The following FSD1L variants were observed in gnomAD, a reference collection of about 807,000 sequenced individuals.
The protein encoded by FSD1L is fibronectin type III and SPRY domain containing 1 like.
Under a neutral mutation model 71.6 loss-of-function variants are expected in FSD1L, and 45 were observed. The ratio of observed to expected loss-of-function variants is 0.63; its 90% CI spans 0.49 to 0.81. The LOEUF (loss-of-function observed/expected upper bound fraction) is 0.81. Among genes scored for constraint, FSD1L ranks in the 30% least tolerant of loss-of-function variants. The pLI, the probability that FSD1L is intolerant of heterozygous loss-of-function variation, is 0.00. For missense variants in FSD1L, 561 were observed against 618.1 expected (o/e 0.91, Z 0.98); for synonymous variants, 197 against 207.2 (o/e 0.95, Z 0.42).
Position 105,484,500 on chromosome 9 carries a change from C to A in FSD1L, c.584C>A (p.Pro195Gln). ...ATGCTGCAAACTTTGAAGTTTTTGC[C>A]AGGTAAATACATGTATTACATGTAA... ...RQMLQTLKFL[P>Q]VPKAPEIDPV... The change falls in exon 7 of 14, where the codon CCA becomes CAA. Residue 195 changes from proline (P) to glutamine (Q), a missense_variant and splice_region_variant. Physicochemically the swap from Pro to Gln is moderately conservative, Grantham distance 76. Transcript: ENST00000481272. The A allele has an allele frequency of 6.7e-7, 1 of 1,503,510 alleles. No homozygotes were observed. Among genetic ancestry groups the A allele is most frequent in the South Asian group, 1.3e-5 (1 of 74,350 alleles). 93.1% of individuals were successfully genotyped at this position (1,503,510 alleles called of 1,614,324 possible).
intron 10 of FSD1L, chr9:105,522,388 T>A (rs1835226968): frequency 1.2e-6 from 2 of 1,613,982 alleles, no homozygotes; most frequent in Admixed American, 3.3e-5. Context: ...AAAGTTTCAG[T>A]TGACAAGTCA....
chr9:105,468,481 T>TA (rs1159736234), intron 4 of FSD1L, among the ~76,000 whole-genome samples, 157 bp downstream of exon 4: 1 of 151,948 alleles, frequency 6.6e-6, no homozygotes, highest in African/African-American at 2.4e-5. Flanking sequence ...AAATTGTTGT[T>TA]AAAAAAACAA....
At chr9:105,507,227 A>G (rs1834110068) in intron 8 of FSD1L, among the ~76,000 whole-genome samples, 1 of 152,234 alleles carries the variant, frequency 6.6e-6, no homozygotes, top group South Asian at 2.1e-4. Context: ...ATAATTAACA[A>G]AGACCTGTGA....
chr9:105,496,175 A>G (rs1268265704), intron 7 of FSD1L, among the ~76,000 whole-genome samples: 2 of 142,754 alleles, frequency 1.4e-5, no homozygotes, highest in Admixed American at 7.0e-5. Flanking sequence ...CTCTTCTTTC[A>G]CCAGTACCAG....
intron 10 of FSD1L, chr9:105,523,746 A>G: frequency 6.3e-7 from 1 of 1,596,994 alleles, no homozygotes; most frequent in Non-Finnish European, 8.6e-7. Context: ...TGTTTCTCCA[A>G]ATAGAGATTT....
intron 1 of FSD1L, among the ~76,000 whole-genome samples, chr9:105,450,574 C>T (rs1260982642): frequency 1.3e-5 from 2 of 149,454 alleles, no homozygotes; most frequent in Admixed American, 1.3e-4. Flanking sequence ...GCTCTTGTCG[C>T]CCAGGCTGGA....
chr9:105,458,633 G>A (rs1830501201), intron 1 of FSD1L, among the ~76,000 whole-genome samples: 1 of 152,128 alleles, frequency 6.6e-6, no homozygotes, highest in Non-Finnish European at 1.5e-5. Flanking sequence ...CCATGGGTGG[G>A]CGTGGAAAAA....
chr9:105,446,237 C>A (rs1451828806), upstream of FSD1L, among the ~76,000 whole-genome samples: 1 of 152,222 alleles, frequency 6.6e-6, no homozygotes, highest in African/African-American at 2.4e-5. Flanking sequence ...TTCCTACTTT[C>A]TAGAATGTTC....
intron 7 of FSD1L, among the ~76,000 whole-genome samples, chr9:105,487,265 G>A (rs1469446537): frequency 6.6e-6 from 1 of 152,026 alleles, no homozygotes; most frequent in East Asian, 1.9e-4. Flanking sequence ...TTTGCAGAGA[G>A]GTGCCACTAT....
At chr9:105,444,457 T>C (rs941053630), upstream of FSD1L, among the ~76,000 whole-genome samples, 3 of 152,290 alleles carry the variant, frequency 2.0e-5, no homozygotes, top group Admixed American at 6.5e-5. Flanking sequence ...CCCAAAGGGA[T>C]AGACTGCTGG....
intron 1 of FSD1L, among the ~76,000 whole-genome samples, chr9:105,452,076 T>C (rs1346374952): frequency 6.6e-6 from 1 of 152,130 alleles, no homozygotes; most frequent in African/African-American, 2.4e-5. Context: ...TGGACAAAAC[T>C]AGATTGGGGA....
Position 105,468,304 on chromosome 9 carries a change from C to A in FSD1L, c.319C>A (p.Arg107Ser). ...MINCIKQEQA[R>S]KSQELQSQIS... The stretch of plus-strand genomic sequence containing the variant: ...TAACTGTATCAAGCAGGAACAAGCT[C>A]GTAAATCCCAAGAGTTACAGGTGAG... Residue 107 changes from arginine to serine, a missense_variant, in exon 4 of 14, where the codon CGT (arginine) becomes AGT (serine). Around this residue, in one of 3 missense-constraint regions of FSD1L, gnomAD observed 410 missense variants for 413.5 expected, o/e 0.99. Transcript: ENST00000481272. The A allele has an allele frequency of 6.7e-7, 1 of 1,490,292 alleles. No homozygotes were observed. The allele number at this position is 1,490,292 out of a possible 1,614,324, so 92.3% of individuals were successfully genotyped here.
At chr9:105,450,534 C>CTTTTTTTTTTTTTT (rs35115121) in intron 1 of FSD1L, among the ~76,000 whole-genome samples, 11 of 137,946 alleles carry the variant, frequency 8.0e-5, no homozygotes, top group African/African-American at 2.7e-4. Context: ...GGATTGTGTT[C>CTTTTTTTTTTTTTT]TTTTTTTTTT....
chr9:105,534,471 T>C (rs1836132182), intron 10 of FSD1L, 22 bp from the exon 11 acceptor site: 4 of 1,348,276 alleles, frequency 3.0e-6, no homozygotes, highest in Non-Finnish European at 4.1e-6. Flanking sequence ...TTTGTTTTTC[T>C]TTTTTCTTTT....
chr9:105,521,744 T>A, intron 10 of FSD1L: 1 of 1,613,130 alleles, frequency 6.2e-7, no homozygotes, highest in Non-Finnish European at 8.5e-7. Context: ...GAAATTCCAG[T>A]TGGGCAAAAA....
chr9:105,472,361 G>A (rs549376811), intron 5 of FSD1L: 2 of 204,218 alleles, frequency 9.8e-6, no homozygotes, highest in East Asian at 2.0e-4. Flanking sequence ...TTACAACATG[G>A]AAATGTAGAT....
At chr9:105,486,977 G>T (rs924822429) in intron 7 of FSD1L, among the ~76,000 whole-genome samples, 2 of 152,142 alleles carry the variant, frequency 1.3e-5, no homozygotes, top group East Asian at 3.9e-4. Context: ...AATTTTTGGC[G>T]ATATCATGTG....
chr9:105,453,041 GTTGTT>G (rs1830140907), intron 1 of FSD1L, among the ~76,000 whole-genome samples: 3 of 110,610 alleles, frequency 2.7e-5, no homozygotes, highest in African/African-American at 1.2e-4. Flanking sequence ...CTGACCTAAA[GTTGTT>G]TTTTTTTTTT....
upstream of FSD1L, chr9:105,448,000 T>G (rs141959420): frequency 0.029 from 15,881 of 555,762 alleles, 329 homozygotes; most frequent in Non-Finnish European, 0.035. Context: ...GCAGGCGCGG[T>G]GCGCTCCTCA....
Sources: gnomAD v4.1 joint callset for allele counts (sites outside exome capture counted in the v4.1 genomes callset) on GRCh38, gnomAD v4.1.1 for gene constraint, gnomAD v4.1.1 regional missense constraint, MANE v1.5 for transcripts, NCBI Gene and HGNC (gene_info 2026-07-23, HGNC 2026-07-21) for gene names.